GPR15LG: variants seen among roughly 807,000 people sequenced by gnomAD.
GPR15LG encodes protein GPR15LG.
At chr10:84,178,066 C>T in the GPR15LG span, among the ~76,000 whole-genome samples, 2 of 151,782 alleles carry the variant, frequency 1.3e-5, no homozygotes, top group Admixed American at 1.3e-4. Flanking sequence ...ACTACAGACA[C>T]ACAGACACAT....
chr10:84,174,565 C>G, the GPR15LG span, among the ~76,000 whole-genome samples: 1 of 145,548 alleles, frequency 6.9e-6, no homozygotes, highest in Admixed American at 7.2e-5. Context: ...GCTATCTCAG[C>G]TCACTGCAAT....
chr10:84,176,647 G>T, the GPR15LG span: 7 of 988,912 alleles, frequency 7.1e-6, no homozygotes, highest in African/African-American at 6.5e-5. Flanking sequence ...ACACTGATCA[G>T]CCCCCACCCA....
the GPR15LG span, among the ~76,000 whole-genome samples, chr10:84,181,874 G>A: frequency 7.7e-4 from 117 of 152,330 alleles, no homozygotes; most frequent in African/African-American, 2.8e-3. Flanking sequence ...GAAGTACTGT[G>A]GTCCTGAAGC....
the GPR15LG span, among the ~76,000 whole-genome samples, chr10:84,179,356 G>T: frequency 2.0e-5 from 3 of 152,304 alleles, no homozygotes; most frequent in East Asian, 5.8e-4. Context: ...CCCTGCCAGG[G>T]CTGCTGGCAC....
At chr10:84,176,464 T>G in the GPR15LG span, 1,087 of 1,597,992 alleles carry the variant, frequency 6.8e-4, 4 homozygotes, top group African/African-American at 0.013. Context: ...CTCTCTTCCT[T>G]TGTGTCCACC....
the GPR15LG span, among the ~76,000 whole-genome samples, chr10:84,180,649 G>T: frequency 7.2e-5 from 11 of 152,198 alleles, no homozygotes; most frequent in African/African-American, 2.7e-4. Flanking sequence ...ACGATGGGTG[G>T]CCAGGCAGAG....
chr10:84,177,660 C>G, the GPR15LG span, among the ~76,000 whole-genome samples: 1 of 152,224 alleles, frequency 6.6e-6, no homozygotes, highest in African/African-American at 2.4e-5. Context: ...TTCTTCCAAA[C>G]TGGCATCACA....
the GPR15LG span, among the ~76,000 whole-genome samples, chr10:84,174,168 G>C: frequency 1.3e-5 from 2 of 152,198 alleles, no homozygotes; most frequent in Non-Finnish European, 2.9e-5. Flanking sequence ...AAAGTGGTGT[G>C]TTCGCCATGC....
At chr10:84,183,202 AAGTT>A in the GPR15LG span, among the ~76,000 whole-genome samples, 1 of 152,200 alleles carries the variant, frequency 6.6e-6, no homozygotes, top group Non-Finnish European at 1.5e-5. Flanking sequence ...ATAATCCTAA[AAGTT>A]AGATACTATT....
At chr10:84,178,060 C>T in the GPR15LG span, among the ~76,000 whole-genome samples, 1 of 151,928 alleles carries the variant, frequency 6.6e-6, no homozygotes, top group Non-Finnish European at 1.5e-5. Flanking sequence ...CCACACACTA[C>T]AGACACACAG....
At chr10:84,178,962 A>C in the GPR15LG span, among the ~76,000 whole-genome samples, 2 of 152,210 alleles carry the variant, frequency 1.3e-5, no homozygotes, top group Admixed American at 1.3e-4. Flanking sequence ...ACTGAGACTG[A>C]GAAAGAAACT....
the GPR15LG span, among the ~76,000 whole-genome samples, chr10:84,178,731 G>A: frequency 1.0e-3 from 154 of 152,346 alleles, no homozygotes; most frequent in South Asian, 0.013. Context: ...CGTTTTTTCA[G>A]TTTTGTTACT....
chr10:84,184,536 A>C, the GPR15LG span: 2 of 847,742 alleles, frequency 2.4e-6, no homozygotes, highest in Non-Finnish European at 3.8e-6. Flanking sequence ...GAAAAGCATA[A>C]GATCTAATTC....
chr10:84,181,694 G>A, the GPR15LG span, among the ~76,000 whole-genome samples: 9 of 152,172 alleles, frequency 5.9e-5, no homozygotes, highest in South Asian at 2.1e-4. Context: ...GTGCTAAAGC[G>A]CTGGGATTAC....
chr10:84,181,494 TA>T, the GPR15LG span, among the ~76,000 whole-genome samples: 2 of 152,216 alleles, frequency 1.3e-5, no homozygotes, highest in African/African-American at 4.8e-5. Flanking sequence ...GGCACAATCA[TA>T]GCTCACTGCA....
the GPR15LG span, chr10:84,176,543 C>T: frequency 1.2e-6 from 2 of 1,613,888 alleles, no homozygotes; most frequent in African/African-American, 1.3e-5. Context: ...CACCGAGTCC[C>T]TAGCCCCAAC....
the GPR15LG span, among the ~76,000 whole-genome samples, chr10:84,178,086 A>G: frequency 6.6e-6 from 1 of 151,814 alleles, no homozygotes; most frequent in African/African-American, 2.4e-5. Flanking sequence ...TACACGCTAC[A>G]CAACTACACA....
the GPR15LG span, chr10:84,184,616 A>T: frequency 2.6e-6 from 4 of 1,519,106 alleles, no homozygotes; most frequent in South Asian, 4.5e-5. Context: ...CTCTCCCCAC[A>T]ACCTGGCTCT....
chr10:84,176,369 A>C, the GPR15LG span: 4 of 794,172 alleles, frequency 5.0e-6, no homozygotes, highest in Non-Finnish European at 8.9e-6. Context: ...AGCCTGGCTC[A>C]TCCTGAGTTT....
Sources: allele counts gnomAD v4.1 joint callset (sites outside exome capture counted in the v4.1 genomes callset), GRCh38; gene constraint gnomAD v4.1.1; transcripts MANE v1.5; gene names NCBI Gene and HGNC (gene_info 2026-07-23, HGNC 2026-07-21).